The following REEP3 variants were observed in gnomAD, a reference collection of about 807,000 sequenced individuals.
REEP3 encodes the protein receptor accessory protein 3, also known as receptor expression-enhancing protein 3.
A neutral mutation model predicts 41.3 loss-of-function variants in REEP3; 20 were observed. The ratio of observed to expected loss-of-function variants is 0.48; its 90% CI spans 0.34 to 0.70. REEP3 has a LOEUF of 0.70. Among genes scored for constraint, REEP3 ranks in the 30% least tolerant of loss-of-function variants. The pLI is 0.01. For missense variants in REEP3, 271 were observed against 308.8 expected (o/e 0.88, Z 0.92); for synonymous variants, 104 against 101.8 (o/e 1.02, Z -0.13).
intron 2 of REEP3, among the ~76,000 whole-genome samples, chr10:63,574,395 G>A (rs533319071): frequency 3.3e-5 from 5 of 152,198 alleles, no homozygotes; most frequent in African/African-American, 1.2e-4. Context: ...AGGCTTCCTA[G>A]GTTTCATCCT....
At chr10:63,557,193 C>T (rs560531421) in intron 1 of REEP3, among the ~76,000 whole-genome samples, 1 of 152,216 alleles carries the variant, frequency 6.6e-6, no homozygotes, top group East Asian at 1.9e-4. Context: ...CTACAATAGC[C>T]TAGTTCAAGC....
chr10:63,606,396 C>G (rs1956229615), intron 5 of REEP3, among the ~76,000 whole-genome samples: 1 of 130,556 alleles, frequency 7.7e-6, no homozygotes, highest in African/African-American at 2.8e-5. Context: ...TTCTTCTTTC[C>G]TTTTTTAGAG....
Position 63,622,515 on chromosome 10 carries a change from A to C in REEP3, c.*1646A>C, listed in dbSNP as rs966321625. 1 of 152,062 alleles carries C rather than the reference A, an allele frequency of 6.6e-6. No individual in the cohort carries two copies. The highest frequency in any genetic ancestry group is 1.5e-5 in the Non-Finnish European group (1 of 68,016). The allele number at this position is 152,062 out of a possible 1,614,324, so 9.4% of individuals were successfully genotyped here. ...TGGAAGGACTCTAATTTCTATTCCA[A>C]ATTTCTATGAATTCTAATTGTAAAT... On this transcript the variant is annotated 3_prime_UTR_variant, in exon 8 of 8. Transcript: ENST00000373758.
intron 5 of REEP3, among the ~76,000 whole-genome samples, chr10:63,600,313 A>C (rs909877547): frequency 3.3e-5 from 5 of 152,192 alleles, no homozygotes; most frequent in Non-Finnish European, 7.4e-5. Flanking sequence ...ACAAGAAGGA[A>C]AATTCAAATT....
intron 1 of REEP3, among the ~76,000 whole-genome samples, chr10:63,544,594 A>G (rs377728076): frequency 5.3e-4 from 81 of 152,300 alleles, no homozygotes; most frequent in African/African-American, 1.9e-3. Flanking sequence ...TGATGAGCTT[A>G]AACAACAGCA....
chr10:63,558,293 G>A (rs1955709068), intron 1 of REEP3, among the ~76,000 whole-genome samples: 1 of 152,192 alleles, frequency 6.6e-6, no homozygotes, highest in African/African-American at 2.4e-5. Context: ...GTGCTGTGTT[G>A]ACAAGAATTC....
At chr10:63,559,061 C>G (rs1426772098) in intron 1 of REEP3, among the ~76,000 whole-genome samples, 1 of 152,006 alleles carries the variant, frequency 6.6e-6, no homozygotes, top group Non-Finnish European at 1.5e-5. Context: ...ATTTGGCTAA[C>G]TAATTCTTGC....
intron 6 of REEP3, among the ~76,000 whole-genome samples, chr10:63,616,338 A>G (rs1357816779): frequency 6.6e-6 from 1 of 152,192 alleles, no homozygotes; most frequent in African/African-American, 2.4e-5. Flanking sequence ...TTATTACAGT[A>G]TCATAATGCC....
intron 2 of REEP3, among the ~76,000 whole-genome samples, chr10:63,582,554 AATTG>A (rs1255424954): frequency 6.6e-5 from 10 of 152,340 alleles, no homozygotes; most frequent in South Asian, 2.1e-4. Context: ...ATCTTATGTA[AATTG>A]ATTGATTAAC....
intron 2 of REEP3, among the ~76,000 whole-genome samples, chr10:63,581,161 T>G (rs557173570): frequency 6.6e-6 from 1 of 152,342 alleles, no homozygotes; most frequent in African/African-American, 2.4e-5. Flanking sequence ...GTACATCATC[T>G]TTCCATTATG....
In REEP3 at chr10:63,598,051, T is replaced by G; in HGVS notation, c.210T>G (p.Ile70Met). Residue 70 changes from isoleucine (I) to methionine (M), a missense_variant, in exon 4 of 8, where the codon ATT becomes ATG. Transcript: ENST00000373758. Reference sequence around the variant, plus strand: ...TTCCCCTGTACTATGAGCTGAAGATTGCTTTTGTCATATGGCTGCTTTCTC... The same window carrying G: ...TTCCCCTGTACTATGAGCTGAAGATGGCTTTTGTCATATGGCTGCTTTCTC... ...AWFPLYYELK[I>M]AFVIWLLSPY... The G allele has an allele frequency of 6.2e-7, 1 of 1,612,528 alleles. No homozygotes were observed. The highest frequency in any genetic ancestry group is 1.1e-5 in the South Asian group (1 of 91,002).
chr10:63,589,172 G>A (rs184915912), intron 2 of REEP3, among the ~76,000 whole-genome samples: 79 of 152,226 alleles, frequency 5.2e-4, no homozygotes, highest in African/African-American at 1.9e-3. Context: ...GCAGAATAGA[G>A]TCAAAAAAAT....
At chr10:63,522,285 G>A (rs979529828) in intron 1 of REEP3, among the ~76,000 whole-genome samples, 3 of 152,102 alleles carry the variant, frequency 2.0e-5, no homozygotes, top group Admixed American at 6.5e-5. Context: ...TATTTGCTAA[G>A]TGATTGAAAG....
At chr10:63,612,740 G>A (rs1030915292) in intron 6 of REEP3, among the ~76,000 whole-genome samples, 20 of 151,442 alleles carry the variant, frequency 1.3e-4, no homozygotes, top group Non-Finnish European at 1.5e-4. Flanking sequence ...GCAGTGAGCC[G>A]AGATTGCGCC....
chr10:63,575,112 C>T (rs545760423), intron 2 of REEP3, among the ~76,000 whole-genome samples: 4 of 152,022 alleles, frequency 2.6e-5, no homozygotes, highest in Admixed American at 1.3e-4. Context: ...CCACGGCCTC[C>T]CAAAGTGCTG....
intron 2 of REEP3, among the ~76,000 whole-genome samples, chr10:63,570,477 G>A (rs1256240368): frequency 6.6e-6 from 1 of 152,124 alleles, no homozygotes. Context: ...GTAAGTTTAG[G>A]GTTTGTGCAG....
chr10:63,558,066 T>C (rs889681235), intron 1 of REEP3, among the ~76,000 whole-genome samples: 2 of 152,242 alleles, frequency 1.3e-5, no homozygotes, highest in Admixed American at 6.5e-5. Flanking sequence ...CTACTTCTTA[T>C]GGATTTTATA....
At chr10:63,522,474 G>A (rs1955288909) in intron 1 of REEP3, among the ~76,000 whole-genome samples, 1 of 151,370 alleles carries the variant, frequency 6.6e-6, no homozygotes, top group Non-Finnish European at 1.5e-5. Flanking sequence ...CCCTCTCCCC[G>A]ATTAAAAAAA....
At chr10:63,573,338 G>A (rs1955870363) in intron 2 of REEP3, among the ~76,000 whole-genome samples, 1 of 152,170 alleles carries the variant, frequency 6.6e-6, no homozygotes, top group Non-Finnish European at 1.5e-5. Context: ...TGAAGAATTA[G>A]TATGGTTTTG....
Sources: allele counts gnomAD v4.1 joint callset (sites outside exome capture counted in the v4.1 genomes callset), GRCh38; gene constraint gnomAD v4.1.1; transcripts MANE v1.5; gene names NCBI Gene and HGNC (gene_info 2026-07-23, HGNC 2026-07-21).